RALGPS1: variants seen among roughly 807,000 people sequenced by gnomAD.
RALGPS1 encodes the protein Ral GEF with PH domain and SH3 binding motif 1.
A neutral mutation model predicts 78.8 loss-of-function variants in RALGPS1; 19 were observed. The ratio of observed to expected loss-of-function variants is 0.24; its 90% CI spans 0.17 to 0.35. The LOEUF (loss-of-function observed/expected upper bound fraction) is 0.35. Ranked by LOEUF, RALGPS1 falls within the 10% of genes least tolerant of loss-of-function variation. The probability of loss-of-function intolerance (pLI) is 1.00; values close to 1 mark genes in which losing one functional copy is unlikely to be tolerated. For synonymous variants in RALGPS1, 228 were observed against 256.3 expected (o/e 0.89, Z 1.06); for missense variants, 454 against 688.3 (o/e 0.66, Z 3.81).
intron 8 of RALGPS1, among the ~76,000 whole-genome samples, chr9:127,137,960 A>G (rs961732420): frequency 2.0e-5 from 3 of 152,224 alleles, no homozygotes; most frequent in African/African-American, 7.2e-5. Flanking sequence ...CCCTCAGAGA[A>G]TGGAAGCCAC....
chr9:126,926,960 G>T (rs1234217625), intron 1 of RALGPS1, among the ~76,000 whole-genome samples: 3 of 152,154 alleles, frequency 2.0e-5, no homozygotes, highest in Non-Finnish European at 2.9e-5. Flanking sequence ...TAGGAGGAAG[G>T]TTGTGAATTT....
At chr9:127,004,214 C>G (rs2043617348) in intron 4 of RALGPS1, among the ~76,000 whole-genome samples, 1 of 152,134 alleles carries the variant, frequency 6.6e-6, no homozygotes, top group Non-Finnish European at 1.5e-5. Context: ...GGCGTGATCT[C>G]AGCTCACTGC....
At chr9:126,997,999 C>T (rs2042932048) in intron 4 of RALGPS1, among the ~76,000 whole-genome samples, 1 of 152,192 alleles carries the variant, frequency 6.6e-6, no homozygotes, top group African/African-American at 2.4e-5. Context: ...CCCTTCCTTA[C>T]ATGTTATACA....
intron 5 of RALGPS1, among the ~76,000 whole-genome samples, chr9:127,041,031 T>TTTGTGTGTGTGTGTGTGTG: frequency 7.4e-6 from 1 of 135,718 alleles, no homozygotes; most frequent in Non-Finnish European, 1.6e-5. Context: ...CTACAAACAT[T>TTTGTGTGTGTGTGTGTGTG]TGTGTGTGTG....
At chr9:126,977,298 C>T (rs755583062) in intron 3 of RALGPS1, among the ~76,000 whole-genome samples, 1 of 152,160 alleles carries the variant, frequency 6.6e-6, no homozygotes, top group Non-Finnish European at 1.5e-5. Context: ...AATAGTGTTT[C>T]TGTTTAGCAT....
chr9:127,202,861 C>G (rs934281148), intron 14 of RALGPS1, among the ~76,000 whole-genome samples: 2 of 152,074 alleles, frequency 1.3e-5, no homozygotes, highest in African/African-American at 4.8e-5. Context: ...AGAAGGGGGG[C>G]CCCCAGCACA....
At chr9:127,058,574 A>G (rs926925662) in intron 7 of RALGPS1, among the ~76,000 whole-genome samples, 1 of 152,078 alleles carries the variant, frequency 6.6e-6, no homozygotes, top group African/African-American at 2.4e-5. Flanking sequence ...GTCGAGATGA[A>G]GAGAAGAGAA....
At chr9:127,132,178 C>A (rs1748778262) in intron 8 of RALGPS1, among the ~76,000 whole-genome samples, 1 of 152,122 alleles carries the variant, frequency 6.6e-6, no homozygotes, top group Admixed American at 6.5e-5. Flanking sequence ...CTGTCTTGCC[C>A]TTTCACTCTT....
At chr9:127,160,075 G>A (rs2058934613) in intron 8 of RALGPS1, among the ~76,000 whole-genome samples, 1 of 152,190 alleles carries the variant, frequency 6.6e-6, no homozygotes, top group Non-Finnish European at 1.5e-5. Flanking sequence ...GGTTGGAAGT[G>A]AGACAGGGTG....
intron 1 of RALGPS1, among the ~76,000 whole-genome samples, chr9:126,918,088 C>G (rs2034362584): frequency 6.6e-6 from 1 of 152,154 alleles, no homozygotes; most frequent in Admixed American, 6.5e-5. Context: ...GCAAGTTGTC[C>G]CTGCTACTTT....
chr9:127,010,592 T>C lies in RALGPS1; in HGVS notation c.217-23839T>C, dbSNP rs114409965. Among the ~76,000 whole-genome samples the C allele has an allele frequency of 7.6e-3, 1,161 of 152,318 alleles. 14 individuals are homozygous for C. The highest frequency in any genetic ancestry group is 0.027 in the African/African-American group (1,106 of 41,572). ...TATGTCATTTGCCTCTTGGGGCCCT[T>C]CTGGCTTTGAGAGCCCTATCTGCTT... On this transcript the variant is annotated intron_variant, in intron 4 of 18. Transcript: ENST00000259351.
chr9:127,038,041 C>G (rs2047003740), intron 5 of RALGPS1, among the ~76,000 whole-genome samples: 1 of 152,202 alleles, frequency 6.6e-6, no homozygotes, highest in Admixed American at 6.5e-5. Flanking sequence ...ACCTTCTTTT[C>G]TCTTGTACTC....
At chr9:127,203,108 G>A (rs893668370) in intron 14 of RALGPS1, among the ~76,000 whole-genome samples, 3 of 152,194 alleles carry the variant, frequency 2.0e-5, no homozygotes, top group African/African-American at 7.2e-5. Context: ...AAGAATATCA[G>A]CCTACGAGTT....
intron 11 of RALGPS1, among the ~76,000 whole-genome samples, chr9:127,185,321 C>T (rs1224985387): frequency 6.6e-6 from 1 of 152,242 alleles, no homozygotes; most frequent in Non-Finnish European, 1.5e-5. Context: ...CAACCCGAGT[C>T]TGTGCACATG....
At chr9:127,210,333 C>T (rs2062173679) in intron 14 of RALGPS1, among the ~76,000 whole-genome samples, 1 of 152,234 alleles carries the variant, frequency 6.6e-6, no homozygotes, top group Non-Finnish European at 1.5e-5. Flanking sequence ...GTGGACTTGC[C>T]GTGGACTATC....
At chr9:127,100,648 T>C (rs2053629100) in intron 8 of RALGPS1, among the ~76,000 whole-genome samples, 1 of 152,136 alleles carries the variant, frequency 6.6e-6, no homozygotes, top group Non-Finnish European at 1.5e-5. Context: ...GCCCCAGGGT[T>C]CCACAGGCAC....
At chr9:127,001,849 G>A (rs546889620) in intron 4 of RALGPS1, among the ~76,000 whole-genome samples, 9 of 152,054 alleles carry the variant, frequency 5.9e-5, no homozygotes, top group Non-Finnish European at 8.8e-5. Context: ...GTGCCATTGC[G>A]CTCCAGCCTT....
chr9:127,196,214 G>C (rs1322747385), intron 12 of RALGPS1, among the ~76,000 whole-genome samples: 2 of 152,198 alleles, frequency 1.3e-5, no homozygotes, highest in Non-Finnish European at 2.9e-5. Flanking sequence ...CTGCTCACTC[G>C]AGCCTCATAG....
Position 126,996,284 on chromosome 9 carries a change from A to G in RALGPS1, c.216+18539A>G, listed in dbSNP as rs191831534. Among the ~76,000 whole-genome samples the G allele has an allele frequency of 2.4e-3, 367 of 152,342 alleles. 4 individuals carry two copies. Among genetic ancestry groups the G allele is most frequent in the East Asian group, 0.017 (88 of 5,188 alleles). On this transcript the variant is annotated intron_variant, in intron 4 of 18. Coordinates refer to ENST00000259351, the MANE Select transcript of RALGPS1 (RefSeq NM_014636.3). ...AGATCAACAAAATTGATAGACTGCT[A>G]GCAAGACTAATAAAGAAGAAAAGAG...
Sources: gnomAD v4.1 joint callset for allele counts (sites outside exome capture counted in the v4.1 genomes callset) on GRCh38, gnomAD v4.1.1 for gene constraint, MANE v1.5 for transcripts, NCBI Gene and HGNC (gene_info 2026-07-23, HGNC 2026-07-21) for gene names.